The following KITLG variants were observed in gnomAD, a reference collection of about 807,000 sequenced individuals.
The protein encoded by KITLG is c-Kit ligand.
KITLG carries 13 observed loss-of-function variants against 34.1 expected under a neutral mutation model. The ratio of observed to expected loss-of-function variants is 0.38; its 90% CI spans 0.25 to 0.61. The LOEUF (loss-of-function observed/expected upper bound fraction) is 0.61. KITLG is among the 20% of genes least tolerant of loss of function. KITLG has a pLI of 0.60. For synonymous variants in KITLG, 110 were observed against 104.0 expected (o/e 1.06, Z -0.35); for missense variants, 292 against 318.9 (o/e 0.92, Z 0.64).
intron 1 of KITLG, among the ~76,000 whole-genome samples, chr12:88,573,314 G>C (rs978457152): frequency 3.3e-5 from 5 of 152,152 alleles, no homozygotes; most frequent in Non-Finnish European, 7.3e-5. Flanking sequence ...GGAAGCCAAA[G>C]AATCTGTGTG....
At chr12:88,521,355 C>T (rs922599040) in intron 3 of KITLG, among the ~76,000 whole-genome samples, 7 of 152,080 alleles carry the variant, frequency 4.6e-5, no homozygotes, top group Non-Finnish European at 8.8e-5. Flanking sequence ...GAGAATAAAA[C>T]ACAATGAACT....
At chr12:88,512,859 G>A (rs1869326206) in intron 6 of KITLG, among the ~76,000 whole-genome samples, 1 of 151,820 alleles carries the variant, frequency 6.6e-6, no homozygotes, top group Non-Finnish European at 1.5e-5. Context: ...AAAAGAATTT[G>A]TTGCCAGCAG....
intron 7 of KITLG, among the ~76,000 whole-genome samples, chr12:88,506,766 T>C (rs1048653988): frequency 5.3e-5 from 8 of 152,230 alleles, no homozygotes; most frequent in Non-Finnish European, 1.0e-4. Context: ...AAGTATATCA[T>C]ATGATTTTCG....
chr12:88,566,968 GTTCTGACTTT>G (rs1476703573), intron 1 of KITLG, among the ~76,000 whole-genome samples: 3 of 152,154 alleles, frequency 2.0e-5, no homozygotes, highest in Admixed American at 6.5e-5. Context: ...GTAAGTTCTT[GTTCTGACTTT>G]CCTGTATTAC....
At chr12:88,546,840 G>C (rs528063585) in intron 1 of KITLG, among the ~76,000 whole-genome samples, 1 of 152,104 alleles carries the variant, frequency 6.6e-6, no homozygotes, top group Non-Finnish European at 1.5e-5. Flanking sequence ...CTCAGAGGCA[G>C]GTAAATAAAT....
intron 6 of KITLG, among the ~76,000 whole-genome samples, chr12:88,512,613 G>T (rs529443492): frequency 2.6e-5 from 4 of 151,888 alleles, no homozygotes; most frequent in African/African-American, 9.6e-5. Context: ...ATGTTAAAAA[G>T]GAGAACACTT....
chr12:88,560,191 G>A (rs1218786142), intron 1 of KITLG, among the ~76,000 whole-genome samples: 1 of 152,114 alleles, frequency 6.6e-6, no homozygotes, highest in Non-Finnish European at 1.5e-5. Flanking sequence ...AGATCTATGA[G>A]AACATTACAT....
intron 1 of KITLG, among the ~76,000 whole-genome samples, chr12:88,566,539 A>G (rs1438067565): frequency 6.6e-6 from 1 of 152,220 alleles, no homozygotes; most frequent in African/African-American, 2.4e-5. Flanking sequence ...AAAGTCAGGG[A>G]GGACTTCCTG....
At chr12:88,560,967 C>CAAAAAAAAA (rs34851499) in intron 1 of KITLG, among the ~76,000 whole-genome samples, 11 of 58,082 alleles carry the variant, frequency 1.9e-4, no homozygotes, top group African/African-American at 3.7e-4. Flanking sequence ...GACTCTGTCT[C>CAAAAAAAAA]AAAAAAAAAA....
At chr12:88,526,590 T>A (rs907267588) in intron 3 of KITLG, among the ~76,000 whole-genome samples, 1 of 152,160 alleles carries the variant, frequency 6.6e-6, no homozygotes, top group African/African-American at 2.4e-5. Context: ...AGTTTACAGG[T>A]TGGTGGAAGA....
In KITLG at chr12:88,505,233, A is replaced by G; in HGVS notation, c.785T>C (p.Met262Thr). ...QINEEDNEIS[M>T]LQEKEREFQE... ...AAACTCTCTCTCTTTCTCTTGCAAC[A>G]TACTGAAAAACAATAAGAAAAAATG... The change falls in exon 9 of 10, where the codon ATG (methionine) becomes ACG (threonine). Residue 262 changes from methionine to threonine, a missense_variant and splice_region_variant. Transcript: ENST00000644744. 1 of 1,608,878 alleles carries G rather than the reference A, an allele frequency of 6.2e-7. No homozygotes were observed. Among genetic ancestry groups the G allele is most frequent in the Non-Finnish European group, 8.5e-7 (1 of 1,175,414 alleles).
intron 6 of KITLG, among the ~76,000 whole-genome samples, chr12:88,511,541 G>A (rs1869278678): frequency 6.6e-6 from 1 of 152,164 alleles, no homozygotes; most frequent in Non-Finnish European, 1.5e-5. Flanking sequence ...TTATTTGGAA[G>A]AAGGGAGCTG....
intron 2 of KITLG, among the ~76,000 whole-genome samples, chr12:88,543,610 A>G (rs1870599613): frequency 6.6e-6 from 1 of 152,106 alleles, no homozygotes; most frequent in Non-Finnish European, 1.5e-5. Context: ...TGCTCACTAA[A>G]GTAAAGCACA....
intron 1 of KITLG, among the ~76,000 whole-genome samples, chr12:88,552,779 T>C (rs556625407): frequency 1.3e-5 from 2 of 152,216 alleles, no homozygotes; most frequent in African/African-American, 4.8e-5. Flanking sequence ...AAAAAACGCT[T>C]TTGGAAACCA....
At chr12:88,515,859 A>G (rs1198978280) in intron 5 of KITLG, among the ~76,000 whole-genome samples, 2 of 151,840 alleles carry the variant, frequency 1.3e-5, no homozygotes, top group African/African-American at 4.8e-5. Context: ...ATAATGACAC[A>G]TTGATGGTAA....
intron 1 of KITLG, among the ~76,000 whole-genome samples, chr12:88,560,967 CAAAAAAAAAAAAAA>C (rs34851499): frequency 6.9e-5 from 4 of 58,100 alleles, no homozygotes; most frequent in South Asian, 1.9e-3. Context: ...GACTCTGTCT[CAAAAAAAAAAAAAA>C]AAAAAAAAAA....
At chr12:88,558,561 A>G (rs1221323714) in intron 1 of KITLG, among the ~76,000 whole-genome samples, 6 of 152,176 alleles carry the variant, frequency 3.9e-5, no homozygotes, top group African/African-American at 7.2e-5. Context: ...CTGCCTTTTT[A>G]GTGGGATGGA....
intron 3 of KITLG, among the ~76,000 whole-genome samples, chr12:88,525,542 A>G (rs11104920): frequency 0.084 from 12,818 of 152,256 alleles, 565 homozygotes; most frequent in Non-Finnish European, 0.1. Flanking sequence ...AAGAGAACAC[A>G]ACAACAAAAT....
chr12:88,572,618 T>A (rs1046854541), intron 1 of KITLG, among the ~76,000 whole-genome samples: 6 of 146,466 alleles, frequency 4.1e-5, no homozygotes, highest in African/African-American at 1.2e-4. Context: ...TATATATATA[T>A]AATTTGTTAC....
Sources: allele counts gnomAD v4.1 joint callset (sites outside exome capture counted in the v4.1 genomes callset), GRCh38; gene constraint gnomAD v4.1.1; transcripts MANE v1.5; gene names NCBI Gene and HGNC (gene_info 2026-07-23, HGNC 2026-07-21).